SNX29: variants seen among roughly 807,000 people sequenced by gnomAD.
SNX29 encodes the protein sorting nexin-29.
A neutral mutation model predicts 102.1 loss-of-function variants in SNX29; 78 were observed. That is an observed-to-expected ratio of 0.76 (90% CI 0.64 to 0.92). The LOEUF (loss-of-function observed/expected upper bound fraction) is 0.92, where lower values mean the gene tolerates loss of function less well. Among genes scored for constraint, SNX29 ranks in the 40% least tolerant of loss-of-function variants. SNX29 has a pLI of 0.00. For missense variants in SNX29, 1,280 were observed against 1,061.7 expected, an observed-to-expected ratio of 1.21 and a Z score of -2.86; for synonymous variants, 580 against 414.5, an observed-to-expected ratio of 1.40 and a Z score of -4.85.
At chr16:12,234,120 G>C (rs1233173322) in intron 14 of SNX29, among the ~76,000 whole-genome samples, 3 of 152,114 alleles carry the variant, frequency 2.0e-5, no homozygotes, top group Non-Finnish European at 2.9e-5. Context: ...CCTAGGAGTG[G>C]GATTGCTGGG....
intron 11 of SNX29, among the ~76,000 whole-genome samples, chr16:12,119,371 A>G (rs2053878761): frequency 6.6e-6 from 1 of 152,216 alleles, no homozygotes; most frequent in African/African-American, 2.4e-5. Flanking sequence ...CACATGAACA[A>G]GAGAGAGAAA....
chr16:12,225,680 G>C (rs2077591590), intron 14 of SNX29, among the ~76,000 whole-genome samples: 2 of 152,294 alleles, frequency 1.3e-5, no homozygotes, highest in African/African-American at 4.8e-5. Context: ...CAAGTTGTAA[G>C]GTAGAGGCAG....
chr16:12,368,825 C>A (rs552234981), intron 16 of SNX29, among the ~76,000 whole-genome samples: 1 of 152,364 alleles, frequency 6.6e-6, no homozygotes, highest in South Asian at 2.1e-4. Context: ...CACCAGGATT[C>A]TCCTGGGGCT....
intron 19 of SNX29, among the ~76,000 whole-genome samples, chr16:12,506,130 T>G (rs1216408420): frequency 6.6e-6 from 1 of 152,160 alleles, no homozygotes; most frequent in Non-Finnish European, 1.5e-5. Context: ...CTGGCTAGTT[T>G]TTGTATTTTT....
chr16:12,010,738 A>T lies in SNX29; in HGVS notation c.122+7695A>T, dbSNP rs186108042. Among the ~76,000 whole-genome samples the T allele has an allele frequency of 7.8e-4, 113 of 145,378 alleles. 3 individuals are homozygous for T. The highest frequency in any genetic ancestry group is 7.0e-3 in the Admixed American group (100 of 14,280). ...CTTTCAAAGCATGCAGAAAAGAATG[A>T]TTTGTTTTGGTGATTTTTTTTTTTT... On this transcript the variant is annotated intron_variant, in intron 3 of 20. Transcript: ENST00000566228.
intron 11 of SNX29, among the ~76,000 whole-genome samples, chr16:12,085,785 C>T (rs2052142362): frequency 6.6e-6 from 1 of 152,140 alleles, no homozygotes; most frequent in Non-Finnish European, 1.5e-5. Context: ...TATGTTTTCT[C>T]ATTGAATCCC....
chr16:12,560,211 A>G (rs920800271), intron 20 of SNX29, among the ~76,000 whole-genome samples: 3 of 150,416 alleles, frequency 2.0e-5, no homozygotes, highest in Admixed American at 6.7e-5. Flanking sequence ...TAGAAGAGCA[A>G]CTACACAGCC....
chr16:12,086,561 C>A (rs1269171470), intron 11 of SNX29, among the ~76,000 whole-genome samples: 1 of 151,976 alleles, frequency 6.6e-6, no homozygotes. Context: ...AAGGTGCATG[C>A]CACCCCGCCC....
intron 11 of SNX29, among the ~76,000 whole-genome samples, chr16:12,102,012 C>T (rs917345349): frequency 7.9e-5 from 12 of 152,186 alleles, no homozygotes; most frequent in African/African-American, 1.4e-4. Flanking sequence ...TGAGAACATG[C>T]GGTGTTTGGT....
chr16:12,519,643 T>C (rs1324652081), intron 19 of SNX29, among the ~76,000 whole-genome samples: 1 of 152,260 alleles, frequency 6.6e-6, no homozygotes, highest in African/African-American at 2.4e-5. Flanking sequence ...TAAGACTTTT[T>C]AGACAAAGTA....
At chr16:12,166,429 G>A (rs1458439345) in intron 13 of SNX29, among the ~76,000 whole-genome samples, 1 of 152,176 alleles carries the variant, frequency 6.6e-6, no homozygotes, top group Non-Finnish European at 1.5e-5. Flanking sequence ...GAAACTGGAG[G>A]GCTAGCCAGG....
Position 12,098,135 on chromosome 16 carries a change from C to T in SNX29, c.1402+19220C>T, listed in dbSNP as rs936424460. 1.3e-5 allele frequency among the ~76,000 whole-genome samples: 2 copies of T among 152,208 alleles called. No individual in the cohort carries two copies. The highest frequency in any genetic ancestry group is 2.9e-5 in the Non-Finnish European group (2 of 68,034). On this transcript the variant is annotated intron_variant, in intron 11 of 20. Transcript: ENST00000566228. This position sits in a 1 kb window ranked among gnomAD's most constrained non-coding sequence, Gnocchi z 6.0. The stretch of plus-strand genomic sequence containing the variant: ...GCTCAGTACGTGGCCGGGGTGCTTA[C>T]GTTTTGGTTGCAGCCCAGCAGTTCT...
At chr16:12,476,395 T>TATATATAC (rs2087622039) in intron 18 of SNX29, among the ~76,000 whole-genome samples, 1 of 18,064 alleles carries the variant, frequency 5.5e-5, no homozygotes, top group South Asian at 3.6e-3. Context: ...TATATATATA[T>TATATATAC]ATATATATAT....
At position 12,301,931 on chromosome 16, in the gene SNX29, C is replaced by T. The variant is rs1415992318; in HGVS notation, c.1782+23895C>T. Among the ~76,000 whole-genome samples, 3 of 152,214 alleles carry T rather than the reference C, an allele frequency of 2.0e-5. No homozygotes were observed. The East Asian group carries it at 5.8e-4, about 29-fold the overall frequency. ...TCCTCCTTACCTAACATTGCGGCTGCTGGTCCTCATCCCTTGTACCATGTT... is the reference window on the plus strand; with the variant it reads ...TCCTCCTTACCTAACATTGCGGCTGTTGGTCCTCATCCCTTGTACCATGTT... On this transcript the variant is annotated intron_variant, in intron 15 of 20. Transcript: ENST00000566228.
intron 17 of SNX29, among the ~76,000 whole-genome samples, chr16:12,402,968 GGGCTCA>G (rs1488186339): frequency 2.6e-5 from 4 of 152,168 alleles, no homozygotes; most frequent in African/African-American, 9.7e-5. Context: ...ATCTTAAAAT[GGGCTCA>G]GGGTCAGGGT....
At position 12,505,763 on chromosome 16, in the gene SNX29, CAAAAAAAAA is replaced by C. The variant is rs61113263; in HGVS notation, c.2179-18927_2179-18919del. On this transcript the variant is annotated intron_variant, in intron 19 of 20. Coordinates refer to ENST00000566228, the MANE Select transcript of SNX29 (RefSeq NM_032167.5). ...TTTTTGGATCACCTTGTCAATTCTG[CAAAAAAAAA>C]AAAAAAAAAAAGGCAACTGGGATTT... 4.1e-3 allele frequency among the ~76,000 whole-genome samples: 313 copies of C among 75,866 alleles called. 2 individuals are homozygous for C. Among genetic ancestry groups the C allele is most frequent in the Middle Eastern group, 0.026 (2 of 76 alleles). 49.8% of individuals were successfully genotyped at this position (75,866 alleles called of 152,430 possible). A position where few individuals can be genotyped will look rare whatever the true frequency, so the allele number is the denominator to read the frequency against.
At chr16:12,025,328 C>T (rs2057159548) in intron 3 of SNX29, among the ~76,000 whole-genome samples, 1 of 89,218 alleles carries the variant, frequency 1.1e-5, no homozygotes. Flanking sequence ...AAAAAAAGTG[C>T]CTGTGTGTAC....
chr16:12,449,966 G>A (rs2086232720), intron 18 of SNX29, among the ~76,000 whole-genome samples: 1 of 152,166 alleles, frequency 6.6e-6, no homozygotes, highest in Admixed American at 6.5e-5. Context: ...GACCCGGTGG[G>A]AGACAACTGA....
At chr16:12,009,730 A>G (rs2056585636) in intron 3 of SNX29, among the ~76,000 whole-genome samples, 1 of 152,120 alleles carries the variant, frequency 6.6e-6, no homozygotes, top group African/African-American at 2.4e-5. Flanking sequence ...ACTCGTTCTT[A>G]TGGTTCATTG....
Sources: gnomAD v4.1 joint callset for allele counts (sites outside exome capture counted in the v4.1 genomes callset) on GRCh38, gnomAD v4.1.1 for gene constraint, Gnocchi (gnomAD v3.1) non-coding constraint, MANE v1.5 for transcripts, NCBI Gene and HGNC (gene_info 2026-07-23, HGNC 2026-07-21) for gene names.